The following MB21D2 variants were observed in gnomAD, a reference collection of about 807,000 sequenced individuals.
MB21D2 encodes the protein nucleotidyltransferase MB21D2.
Under a neutral mutation model 33.3 loss-of-function variants are expected in MB21D2, and 9 were observed. The observed-to-expected ratio is 0.27, with a 90% CI of 0.16 to 0.47. MB21D2 has a LOEUF of 0.47. MB21D2 is among the 20% of genes least tolerant of loss of function. MB21D2 has a pLI of 0.99. For missense variants in MB21D2, 540 were observed against 624.6 expected, an observed-to-expected ratio of 0.86 and a Z score of 1.44; for synonymous variants, 241 against 236.3, an observed-to-expected ratio of 1.02 and a Z score of -0.18.
At chr3:192,807,251 C>T (rs1273442128) in intron 1 of MB21D2, among the ~76,000 whole-genome samples, 1 of 150,984 alleles carries the variant, frequency 6.6e-6, no homozygotes, top group Non-Finnish European at 1.5e-5. Context: ...AGCAGCTTCC[C>T]AAAGTCACAA....
rs1711512716 is a variant in MB21D2, at chr3:192,799,645, C to A, written c.217G>T (p.Val73Leu). 6.2e-7 allele frequency: 1 copy of A among 1,610,546 alleles called. No homozygotes were observed. Among genetic ancestry groups the A allele is most frequent in the African/African-American group, 1.3e-5 (1 of 74,638 alleles). Reference sequence around the variant, plus strand: ...GGAAGCTTTTGGTCCAGCTTTTGCACCATTCCTGGAAATAAAGAAGAAAAA... The same window carrying A: ...GGAAGCTTTTGGTCCAGCTTTTGCAACATTCCTGGAAATAAAGAAGAAAAA... ...KDFIFSMLGM[V>L]QKLDQKLPVA... The change falls in exon 2 of 2, where the codon GTG becomes TTG. Residue 73 changes from valine (V) to leucine (L), a missense_variant. By Grantham distance (32) the Val-to-Leu change is conservative. Transcript: ENST00000392452. The surrounding 1 kb of genome is among the most constrained non-coding windows in gnomAD (Gnocchi z 4.1).
Position 192,799,088 on chromosome 3 carries a change from C to T in MB21D2, c.774G>A (p.Trp258Ter). The part of the protein sequence containing the change: ...AQSWLMENHF[W>*]DGKITEEEVI... ...CCTCTTCCTCAGTAATCTTCCCATCCCAAAAGTGGTTCTCCATGAGCCAGC... is the reference window on the plus strand; with the variant it reads ...CCTCTTCCTCAGTAATCTTCCCATCTCAAAAGTGGTTCTCCATGAGCCAGC... Residue 258 changes from tryptophan (W) to a stop codon, truncating the protein, a stop_gained, in exon 2 of 2, where the codon TGG (tryptophan) becomes TGA (stop). Coordinates refer to ENST00000392452, the MANE Select transcript of MB21D2 (RefSeq NM_178496.4). LOFTEE classifies it high-confidence loss of function. This position sits in a 1 kb window ranked among gnomAD's most constrained non-coding sequence, Gnocchi z 4.1. 1.2e-6 allele frequency: 2 copies of T among 1,614,042 alleles called. No homozygotes were observed. Among genetic ancestry groups the T allele is most frequent in the Non-Finnish European group, 8.5e-7 (1 of 1,179,976 alleles).
At chr3:192,834,499 T>A (rs1712391469) in intron 1 of MB21D2, among the ~76,000 whole-genome samples, 1 of 151,842 alleles carries the variant, frequency 6.6e-6, no homozygotes, top group South Asian at 2.1e-4. Flanking sequence ...ACTGCTTTTC[T>A]ATCATGCCTC....
intron 1 of MB21D2, among the ~76,000 whole-genome samples, chr3:192,866,582 A>G (rs1713173043): frequency 6.6e-6 from 1 of 152,224 alleles, no homozygotes; most frequent in South Asian, 2.1e-4. Flanking sequence ...GTATGTAGAC[A>G]TGCACGTACA....
intron 1 of MB21D2, among the ~76,000 whole-genome samples, chr3:192,835,100 G>A (rs1249894073): frequency 1.4e-5 from 2 of 145,706 alleles, no homozygotes; most frequent in Non-Finnish European, 3.0e-5. Flanking sequence ...GAGCCACCAC[G>A]CCTGGCCGAT....
intron 1 of MB21D2, among the ~76,000 whole-genome samples, chr3:192,901,141 G>C (rs1714091638): frequency 6.6e-6 from 1 of 152,130 alleles, no homozygotes; most frequent in South Asian, 2.1e-4. Flanking sequence ...GGATGACACA[G>C]AGACATTAGG....
intron 1 of MB21D2, among the ~76,000 whole-genome samples, chr3:192,800,543 C>T (rs1711541726): frequency 6.6e-6 from 1 of 152,102 alleles, no homozygotes; most frequent in African/African-American, 2.4e-5. Flanking sequence ...TTAAAAAACC[C>T]AGTTTTACTT....
intron 1 of MB21D2, among the ~76,000 whole-genome samples, chr3:192,823,592 T>A (rs1712104814): frequency 1.3e-5 from 2 of 152,032 alleles, no homozygotes; most frequent in Admixed American, 1.3e-4. Flanking sequence ...GAGGCAGAGG[T>A]TGCAGTGAGA....
At chr3:192,863,084 T>A (rs1002687550) in intron 1 of MB21D2, among the ~76,000 whole-genome samples, 1 of 152,282 alleles carries the variant, frequency 6.6e-6, no homozygotes, top group African/African-American at 2.4e-5. Flanking sequence ...TGTATGAATT[T>A]TGAGGGGACA....
intron 1 of MB21D2, among the ~76,000 whole-genome samples, chr3:192,876,335 C>A (rs571468696): frequency 6.6e-6 from 1 of 152,318 alleles, no homozygotes; most frequent in East Asian, 1.9e-4. Context: ...TTTGTCCTTA[C>A]AACCCACATC....
chr3:192,899,095 A>C (rs1435454582), intron 1 of MB21D2, among the ~76,000 whole-genome samples: 2 of 152,212 alleles, frequency 1.3e-5, no homozygotes, highest in East Asian at 3.8e-4. Flanking sequence ...TTAACATATA[A>C]TGCAAGGCCA....
At chr3:192,818,181 G>A (rs1463456707) in intron 1 of MB21D2, among the ~76,000 whole-genome samples, 1 of 152,094 alleles carries the variant, frequency 6.6e-6, no homozygotes, top group East Asian at 1.9e-4. Context: ...TCATTCTCAT[G>A]TCTCACATGA....
At chr3:192,808,182 C>T (rs1339129076) in intron 1 of MB21D2, among the ~76,000 whole-genome samples, 12 of 152,160 alleles carry the variant, frequency 7.9e-5, no homozygotes, top group Non-Finnish European at 1.8e-4. Context: ...CCACCCTCAC[C>T]CATGAAAGAA....
intron 1 of MB21D2, among the ~76,000 whole-genome samples, chr3:192,833,492 C>G (rs926660608): frequency 2.0e-5 from 3 of 152,218 alleles, no homozygotes; most frequent in Non-Finnish European, 4.4e-5. Flanking sequence ...AGTTTCGCAA[C>G]AGAAATTCAT....
intron 1 of MB21D2, among the ~76,000 whole-genome samples, chr3:192,859,300 C>T (rs1712984867): frequency 6.6e-6 from 1 of 152,170 alleles, no homozygotes; most frequent in Non-Finnish European, 1.5e-5. Context: ...CACACAGATA[C>T]ATGCATACTC....
At chr3:192,808,655 C>A (rs1422246013) in intron 1 of MB21D2, among the ~76,000 whole-genome samples, 1 of 152,180 alleles carries the variant, frequency 6.6e-6, no homozygotes, top group African/African-American at 2.4e-5. Flanking sequence ...GAGGTGGCTG[C>A]CCATCCCAAG....
chr3:192,914,104 T>C (rs899548585), intron 1 of MB21D2, among the ~76,000 whole-genome samples: 3 of 152,174 alleles, frequency 2.0e-5, no homozygotes, highest in Admixed American at 6.5e-5. Context: ...CTATTCTTAA[T>C]AGTCTCAAGT....
intron 1 of MB21D2, among the ~76,000 whole-genome samples, chr3:192,827,827 C>A (rs903912399): frequency 2.0e-5 from 3 of 152,096 alleles, no homozygotes; most frequent in African/African-American, 7.3e-5. Context: ...TCACTGGTAG[C>A]TTTTTGTTTG....
intron 1 of MB21D2, among the ~76,000 whole-genome samples, chr3:192,878,081 C>CTTTTTTTTTTTTTTTTTTTTGTT (rs1713476779): frequency 8.4e-6 from 1 of 119,532 alleles, no homozygotes; most frequent in Non-Finnish European, 1.7e-5. Context: ...AATTCCTCCT[C>CTTTTTTTTTTTTTTTTTTTTGTT]TTTTTTTTTT....
Sources: gnomAD v4.1 joint callset for allele counts (sites outside exome capture counted in the v4.1 genomes callset) on GRCh38, gnomAD v4.1.1 for gene constraint, Gnocchi (gnomAD v3.1) non-coding constraint, MANE v1.5 for transcripts, NCBI Gene and HGNC (gene_info 2026-07-23, HGNC 2026-07-21) for gene names.